MAP3K13: variants seen among roughly 807,000 people sequenced by gnomAD.
MAP3K13 encodes the protein mitogen-activated protein kinase kinase kinase 13.
In MAP3K13, 52 loss-of-function variants were observed where a neutral mutation model predicts 104.0. That is an observed-to-expected ratio of 0.50 (90% CI 0.40 to 0.63). The LOEUF is 0.63. Among genes scored for constraint, MAP3K13 ranks in the 20% least tolerant of loss-of-function variants. The pLI is 0.00. For synonymous variants in MAP3K13, 394 were observed against 442.2 expected, an observed-to-expected ratio of 0.89 and a Z score of 1.37; for missense variants, 914 against 1,218.5, an observed-to-expected ratio of 0.75 and a Z score of 3.72.
At position 185,447,890 on chromosome 3, in the gene MAP3K13, C is replaced by T. The variant is rs756823130; in HGVS notation, c.953C>T (p.Ala318Val). ...STKMSFAGTV[A>V]WMAPEVIRNE... ...AAGATGTCATTTGCTGGCACGGTCG[C>T]ATGGATGGCGCCAGAGGTGATACGG... Residue 318 changes from alanine to valine, a missense_variant, in exon 5 of 14, where the codon GCA (alanine) becomes GTA (valine). Coordinates refer to ENST00000265026, the MANE Select transcript of MAP3K13 (RefSeq NM_004721.5). The T allele has an allele frequency of 6.2e-7, 1 of 1,614,072 alleles. No homozygotes were observed.
intron 1 of MAP3K13, chr3:185,417,999 T>C (rs1577532907): frequency 6.2e-7 from 1 of 1,611,264 alleles, no homozygotes; most frequent in African/African-American, 1.3e-5. Flanking sequence ...ACAATTCATC[T>C]AACTTCCGGA....
chr3:185,447,494 CAAAAAAAAAAAAA>C (rs1178155454), intron 4 of MAP3K13, among the ~76,000 whole-genome samples: 4 of 28,420 alleles, frequency 1.4e-4, no homozygotes, highest in East Asian at 2.6e-3. Context: ...AACTCTGTCT[CAAAAAAAAAAAAA>C]AAAAAAAAAA....
chr3:185,417,033 T>C (rs981811987), intron 1 of MAP3K13, among the ~76,000 whole-genome samples: 14 of 152,250 alleles, frequency 9.2e-5, no homozygotes, highest in African/African-American at 3.4e-4. Flanking sequence ...CTATGTATCT[T>C]AGGAGAGTCC....
rs546101711 is a variant in MAP3K13, at chr3:185,483,072, C to T, written c.*616C>T. 346 of 232,534 alleles carry T rather than the reference C, an allele frequency of 1.5e-3. No homozygotes were observed. The highest frequency in any genetic ancestry group is 1.8e-3 in the Non-Finnish European group (215 of 117,648). 14.4% of individuals were successfully genotyped at this position (232,534 alleles called of 1,614,324 possible). ...TCAACCAGCTTGTCCAGGTGGCTTA[C>T]GGAAATGACCTAGAAAAGTCTGGTG... On this transcript the variant is annotated 3_prime_UTR_variant, in exon 14 of 14. Transcript: ENST00000265026.
chr3:185,385,024 T>C lies in MAP3K13; in HGVS notation c.-86+21656T>C, dbSNP rs567698031. ...GCTGTAAAATCTTTGCCTAGACCCA[T>C]GTACTGAAGCATTTCCTTGATATTT... On this transcript the variant is annotated intron_variant, in intron 1 of 13. Coordinates refer to ENST00000265026, the MANE Select transcript of MAP3K13 (RefSeq NM_004721.5). 1.0e-3 allele frequency among the ~76,000 whole-genome samples: 155 copies of C among 152,338 alleles called. No individual in the cohort carries two copies. The Middle Eastern group carries it at 0.034, about 33-fold the overall frequency.
Position 185,467,600 on chromosome 3 carries a change from T to C in MAP3K13, c.1643+637T>C, listed in dbSNP as rs181907484. 9.4e-4 allele frequency among the ~76,000 whole-genome samples: 143 copies of C among 152,050 alleles called. 2 individuals are homozygous for C. The highest frequency in any genetic ancestry group is 2.6e-4 in the Non-Finnish European group (18 of 67,968). ...GAGATCAAGACCATCCTGGCCAACA[T>C]GGTGAAACCCCATCTCTACTAAAAA... On this transcript the variant is annotated intron_variant, in intron 10 of 13. Transcript: ENST00000265026.
chr3:185,482,515 C>A lies in MAP3K13; in HGVS notation c.*59C>A. ...ATACTGGCATTTCAGATCCACCCCA[C>A]CCCCAGACTCATCCCACTCTCTCCC... On this transcript the variant is annotated 3_prime_UTR_variant, in exon 14 of 14. Transcript: ENST00000265026. This position sits in a 1 kb window ranked among gnomAD's most constrained non-coding sequence, Gnocchi z 4.5. The A allele has an allele frequency of 8.0e-7, 1 of 1,244,916 alleles. No homozygotes were observed. The highest frequency in any genetic ancestry group is 1.2e-6 in the Non-Finnish European group (1 of 851,200). The allele number at this position is 1,244,916 out of a possible 1,614,324, so 77.1% of individuals were successfully genotyped here.
chr3:185,289,514 T>C (rs1720655107), intron 2 of MAP3K13, among the ~76,000 whole-genome samples: 1 of 152,152 alleles, frequency 6.6e-6, no homozygotes, highest in Non-Finnish European at 1.5e-5. Context: ...GACATAAAAT[T>C]AACATGCTTT....
In MAP3K13 at chr3:185,428,913, G is replaced by A. The variant is rs1315334570; in HGVS notation, c.332G>A (p.Ser111Asn). 2 of 1,614,184 alleles carry A rather than the reference G, an allele frequency of 1.2e-6. No homozygotes were observed. The highest frequency in any genetic ancestry group is 1.7e-5 in the Admixed American group (1 of 60,008). ...AACACGGTGGACGGAGAGAGCACAA[G>A]CGGAACTGAAGACATAAAGATTCAG... Reference protein sequence around the residue: ...NSNTVDGESTSGTEDIKIQFS... With the variant: ...NSNTVDGESTNGTEDIKIQFS... The change falls in exon 2 of 14, where the codon AGC becomes AAC. Residue 111 changes from serine (S) to asparagine (N), a missense_variant. Around this residue, in one of 3 missense-constraint regions of MAP3K13, gnomAD observed 156 missense variants for 159.8 expected, o/e 0.98. Transcript: ENST00000265026.
chr3:185,394,438 G>A (rs1367902308), intron 1 of MAP3K13, among the ~76,000 whole-genome samples: 2 of 152,190 alleles, frequency 1.3e-5, no homozygotes, highest in South Asian at 2.1e-4. Context: ...CATGTCTCAA[G>A]CATCTTTCTA....
intron 10 of MAP3K13, among the ~76,000 whole-genome samples, chr3:185,469,411 C>T (rs1462902673): frequency 6.6e-6 from 1 of 152,134 alleles, no homozygotes; most frequent in Non-Finnish European, 1.5e-5. Flanking sequence ...ATGGATACAA[C>T]CCAGCATAAC....
At position 185,466,840 on chromosome 3, in the gene MAP3K13, T is replaced by C; in HGVS notation, c.1520T>C (p.Val507Ala). The change falls in exon 10 of 14, where the codon GTG becomes GCG. Residue 507 changes from valine (V) to alanine (A), a missense_variant. Val to Ala is a moderately conservative substitution (Grantham distance 64). Around this residue, in one of 3 missense-constraint regions of MAP3K13, gnomAD observed 583 missense variants for 737.4 expected, o/e 0.79. Coordinates refer to ENST00000265026, the MANE Select transcript of MAP3K13 (RefSeq NM_004721.5). ...TTATTCTGCAGGCGTGAGCAAGCAG[T>C]GGAAAAGAAGTATCCTGGGACCTAC... ...EKELIKREQA[V>A]EKKYPGTYKR... 6.2e-7 allele frequency: 1 copy of C among 1,613,962 alleles called. No individual in the cohort carries two copies. The highest frequency in any genetic ancestry group is 8.5e-7 in the Non-Finnish European group (1 of 1,179,854).
intron 2 of MAP3K13, among the ~76,000 whole-genome samples, chr3:185,432,185 CTT>C (rs11407161): frequency 1.8e-4 from 16 of 90,110 alleles, no homozygotes; most frequent in African/African-American, 6.0e-4. Context: ...TTTCTAATTG[CTT>C]TTTTTTTTTT....
Position 185,473,183 on chromosome 3 carries a change from C to G in MAP3K13, c.1852C>G (p.Pro618Ala). The change falls in exon 11 of 14, where the codon CCC (proline) becomes GCC (alanine). Residue 618 changes from proline (P) to alanine (A), a missense_variant. By Grantham distance (27) the Pro-to-Ala change is conservative. This residue lies in a region of MAP3K13 where 583 missense variants were observed against 737.4 expected (regional missense o/e 0.79). Coordinates refer to ENST00000265026, the MANE Select transcript of MAP3K13 (RefSeq NM_004721.5). The surrounding 1 kb of genome is among the most constrained non-coding windows in gnomAD (Gnocchi z 4.9). ...GCCAGCCCAGGAAAATTCACCCCAT[C>G]CCACTTACCTGCACCAAGCTCAATC... ...NQPAQENSPH[P>A]TYLHQAQSQY... 1 of 1,614,192 alleles carries G rather than the reference C, an allele frequency of 6.2e-7. No individual in the cohort carries two copies. The highest frequency in any genetic ancestry group is 8.5e-7 in the Non-Finnish European group (1 of 1,180,024).
In MAP3K13 at chr3:185,462,799, AT is replaced by A. The variant is rs544409593; in HGVS notation, c.1279-743del. On this transcript the variant is annotated intron_variant, in intron 7 of 13. Transcript: ENST00000265026. ...AAAATAATAATAAATAAATAAACAAATTTTTTTTAAAGCAGTCATTCAAAGC... is the reference window on the plus strand; with the variant it reads ...AAAATAATAATAAATAAATAAACAAATTTTTTTAAAGCAGTCATTCAAAGC... Among the ~76,000 whole-genome samples, 676 of 152,140 alleles carry A rather than the reference AT, an allele frequency of 4.4e-3. 1 individual carries two copies. Among genetic ancestry groups the A allele is most frequent in the Middle Eastern group, 0.034 (10 of 294 alleles).
At chr3:185,478,918 TAAGA>T (rs1718293482) in intron 12 of MAP3K13, among the ~76,000 whole-genome samples, 2 of 151,836 alleles carry the variant, frequency 1.3e-5, no homozygotes, top group South Asian at 4.2e-4. Flanking sequence ...CTCTTTAGAC[TAAGA>T]AATACAGAAA....
At chr3:185,304,697 G>A (rs1054558649) in intron 2 of MAP3K13, among the ~76,000 whole-genome samples, 8 of 151,900 alleles carry the variant, frequency 5.3e-5, no homozygotes, top group South Asian at 2.1e-4. Context: ...ACAGTGGCGC[G>A]ATCTTGGCTC....
At chr3:185,340,671 C>A (rs974936402) in intron 2 of MAP3K13, among the ~76,000 whole-genome samples, 4 of 152,002 alleles carry the variant, frequency 2.6e-5, no homozygotes, top group Admixed American at 6.6e-5. Context: ...GTGTCAAGGG[C>A]GGGACCAGGT....
intron 10 of MAP3K13, among the ~76,000 whole-genome samples, chr3:185,472,399 G>C (rs1173851105): frequency 2.0e-5 from 3 of 151,724 alleles, no homozygotes; most frequent in Non-Finnish European, 4.4e-5. Context: ...TTTTAGTAGA[G>C]ACGGGGTTTC....
Sources: allele counts gnomAD v4.1 joint callset (sites outside exome capture counted in the v4.1 genomes callset), GRCh38; gene constraint gnomAD v4.1.1; regional missense constraint gnomAD v4.1.1; non-coding constraint Gnocchi (gnomAD v3.1); transcripts MANE v1.5; gene names NCBI Gene and HGNC (gene_info 2026-07-23, HGNC 2026-07-21).